The following DNM2 variants were observed in gnomAD, a reference collection of about 807,000 sequenced individuals.
DNM2 encodes the protein dynamin 2.
DNM2 carries 15 observed loss-of-function variants against 99.0 expected under a neutral mutation model. The ratio of observed to expected loss-of-function variants is 0.15; its 90% CI spans 0.10 to 0.23. The LOEUF (loss-of-function observed/expected upper bound fraction) is 0.23, where lower values mean the gene tolerates loss of function less well. Among genes scored for constraint, DNM2 ranks in the 10% least tolerant of loss-of-function variants. The pLI, the probability that DNM2 is intolerant of heterozygous loss-of-function variation, is 1.00. For synonymous variants in DNM2, 525 were observed against 481.2 expected (o/e 1.09, Z -1.19); for missense variants, 742 against 1,189.4 (o/e 0.62, Z 5.53).
At chr19:10,786,537 T>C in intron 6 of DNM2, 27 bp from the exon 7 acceptor site, 1 of 1,613,898 alleles carries the variant, frequency 6.2e-7, no homozygotes, top group Non-Finnish European at 8.5e-7. Context: ...ATGCCACCCT[T>C]TCTGATCTCT....
chr19:10,723,189 C>T lies in DNM2; in HGVS notation c.161+4786C>T, dbSNP rs1474391860. ...CATTCTTGTTGCCCAGGCTGGAGTG[C>T]AATGGCACGATCTTGGCTCACCGCA... is the stretch of plus-strand genomic sequence containing the variant. On this transcript the variant is annotated intron_variant, in intron 1 of 20. Transcript: ENST00000389253. Among the ~76,000 whole-genome samples the T allele has an allele frequency of 1.1e-4, 16 of 148,532 alleles. 1 individual carries two copies. The East Asian group carries it at 3.2e-3, about 30-fold the overall frequency.
At chr19:10,808,699 G>A (rs1461129453) in intron 14 of DNM2, 119 bp downstream of exon 14, 12 of 1,321,128 alleles carry the variant, frequency 9.1e-6, no homozygotes, top group African/African-American at 1.5e-5. Flanking sequence ...ACTAAAAATC[G>A]AGCTAACCTG....
intron 1 of DNM2, among the ~76,000 whole-genome samples, chr19:10,729,164 CAAA>C (rs919370114): frequency 9.0e-5 from 4 of 44,412 alleles, no homozygotes; most frequent in Non-Finnish European, 1.6e-4. Flanking sequence ...GACTCCGTCT[CAAA>C]AAAAAAAAAA....
intron 12 of DNM2, among the ~76,000 whole-genome samples, chr19:10,805,288 G>A (rs2072292219): frequency 6.6e-6 from 1 of 152,192 alleles, no homozygotes; most frequent in Non-Finnish European, 1.5e-5. Context: ...AAGACTGGAT[G>A]GCTCTGTGGT....
At position 10,736,251 on chromosome 19, in the gene DNM2, T is replaced by C. The variant is rs1361437982; in HGVS notation, c.161+17848T>C. ...TTGCACTCCAGCCTGGGCAACAGAG[T>C]GAGACTCTGTCTCAAAAAAAAAAAA... is the stretch of plus-strand genomic sequence containing the variant. On this transcript the variant is annotated intron_variant, in intron 1 of 20. Transcript: ENST00000389253. Among the ~76,000 whole-genome samples the C allele has an allele frequency of 9.3e-5, 13 of 140,440 alleles. 1 individual carries two copies. The highest frequency in any genetic ancestry group is 3.7e-3 in the Middle Eastern group (1 of 270). The allele number at this position is 140,440 out of a possible 152,430, so 92.1% of individuals were successfully genotyped here. A position where few individuals can be genotyped will look rare whatever the true frequency, so the allele number is the denominator to read the frequency against.
At chr19:10,793,970 C>T (rs1403433661) in intron 8 of DNM2, 115 bp downstream of exon 8, 12 of 1,552,318 alleles carry the variant, frequency 7.7e-6, no homozygotes, top group Middle Eastern at 2.2e-4. Context: ...TAGGCCTGAA[C>T]TTGTGGTGGG....
Position 10,764,669 on chromosome 19 carries a change from T to C in DNM2, c.235+4858T>C, listed in dbSNP as rs112741876. On this transcript the variant is annotated intron_variant, in intron 2 of 20. Coordinates refer to ENST00000389253, the MANE Select transcript of DNM2 (RefSeq NM_001005361.3). This position sits in a 1 kb window ranked among gnomAD's most constrained non-coding sequence, Gnocchi z 4.1. ...CAGGACCTGGCTCCAGGGCTTCCCA[T>C]TGGCCTCAGAATCAAATCGAGCCTC... is the stretch of plus-strand genomic sequence containing the variant. Among the ~76,000 whole-genome samples, 10 of 152,300 alleles carry C rather than the reference T, an allele frequency of 6.6e-5. No homozygotes were observed. In the South Asian group the frequency reaches 8.3e-4, roughly 13 times the overall value.
intron 1 of DNM2, among the ~76,000 whole-genome samples, chr19:10,739,098 T>C (rs2145751313): frequency 6.6e-6 from 1 of 151,302 alleles, no homozygotes; most frequent in East Asian, 2.0e-4. Context: ...GCTTGAATCC[T>C]GGAGGAGGAG....
intron 1 of DNM2, among the ~76,000 whole-genome samples, chr19:10,740,726 T>C (rs1244521095): frequency 1.3e-5 from 2 of 152,242 alleles, no homozygotes; most frequent in Non-Finnish European, 2.9e-5. Flanking sequence ...TGAATTTCCC[T>C]GTAAACCTGC....
rs200548813 is a variant in DNM2 at position 10,738,839 on chromosome 19, C to A, written c.161+20436C>A. On this transcript the variant is annotated intron_variant, in intron 1 of 20. Coordinates refer to ENST00000389253, the MANE Select transcript of DNM2 (RefSeq NM_001005361.3). The stretch of plus-strand genomic sequence containing the variant: ...GAGCTGAGATCGCACCGTTGCACTC[C>A]AGCCTGGGCAACAAGAGCAAAACTC... Among the ~76,000 whole-genome samples the A allele has an allele frequency of 3.9e-4, 56 of 145,176 alleles. No homozygotes were observed. The East Asian group carries it at 0.011, about 28-fold the overall frequency.
chr19:10,823,539 G>C (rs911631571), intron 16 of DNM2: 6 of 513,872 alleles, frequency 1.2e-5, no homozygotes, highest in African/African-American at 9.6e-5. Context: ...CACCTCTGGG[G>C]GCCCAGGAAA....
intron 19 of DNM2, 102 bp downstream of exon 19, chr19:10,829,370 A>G: frequency 7.0e-7 from 1 of 1,423,798 alleles, no homozygotes; most frequent in Non-Finnish European, 9.6e-7. Context: ...ACACAGCCCA[A>G]GGGTGGCACC....
chr19:10,830,278 C>T lies in DNM2; in HGVS notation c.2443C>T (p.Pro815Ser), dbSNP rs1438459794. The T allele has an allele frequency of 1.9e-6, 3 of 1,613,928 alleles. No homozygotes were observed. The South Asian group carries it at 3.3e-5, about 18-fold the overall frequency. ...GCCCCCAATCCCATCCCGGCCTGGA[C>T]CCCAGAGCGTGTTTGCCAACAGTGA... ...SAPPIPSRPGPQSVFANSDLF... is the reference protein window; with the variant it reads ...SAPPIPSRPGSQSVFANSDLF... Residue 815 changes from proline (P) to serine (S), a missense_variant, in exon 20 of 21, where the codon CCC becomes TCC. By Grantham distance (74) the Pro-to-Ser change is moderately conservative. This residue lies in a region of DNM2 where 187 missense variants were observed against 218.8 expected (regional missense o/e 0.85). Transcript: ENST00000389253. The surrounding 1 kb of genome is among the most constrained non-coding windows in gnomAD (Gnocchi z 4.8).
At chr19:10,825,368 C>A in intron 18 of DNM2, 147 bp downstream of exon 18, 1 of 1,151,868 alleles carries the variant, frequency 8.7e-7, no homozygotes. Flanking sequence ...AACCCCATCT[C>A]TACTAAAAAT....
At chr19:10,731,959 T>A (rs1292965358) in intron 1 of DNM2, among the ~76,000 whole-genome samples, 1 of 151,514 alleles carries the variant, frequency 6.6e-6, no homozygotes, top group Non-Finnish European at 1.5e-5. Flanking sequence ...CTTGATTTTT[T>A]TTTTTTTTTT....
intron 1 of DNM2, among the ~76,000 whole-genome samples, chr19:10,742,000 CCTT>C (rs962075508): frequency 4.0e-5 from 6 of 150,050 alleles, no homozygotes; most frequent in African/African-American, 1.2e-4. Context: ...TCTTTCTTTT[CCTT>C]CTTTCTTTTT....
At chr19:10,733,354 G>A (rs1228367118) in intron 1 of DNM2, among the ~76,000 whole-genome samples, 1 of 150,650 alleles carries the variant, frequency 6.6e-6, no homozygotes, top group Non-Finnish European at 1.5e-5. Context: ...ACAATGGCCG[G>A]CATTTTTTTT....
At chr19:10,828,362 C>T (rs984095600) in intron 18 of DNM2, among the ~76,000 whole-genome samples, 10 of 151,436 alleles carry the variant, frequency 6.6e-5, no homozygotes, top group Admixed American at 6.6e-5. Context: ...CTGAGGCAGG[C>T]GGATCATAAG....
chr19:10,782,076 G>A (rs1195024342), intron 5 of DNM2, among the ~76,000 whole-genome samples: 19 of 151,824 alleles, frequency 1.3e-4, no homozygotes, highest in Non-Finnish European at 2.8e-4. Flanking sequence ...TCTGTTGCCC[G>A]GGCTGGAGTG....
Sources: gnomAD v4.1 joint callset for allele counts (sites outside exome capture counted in the v4.1 genomes callset) on GRCh38, gnomAD v4.1.1 for gene constraint, gnomAD v4.1.1 regional missense constraint, Gnocchi (gnomAD v3.1) non-coding constraint, MANE v1.5 for transcripts, NCBI Gene and HGNC (gene_info 2026-07-23, HGNC 2026-07-21) for gene names.